The following ARID1B variants were observed in gnomAD, a reference collection of about 807,000 sequenced individuals.
The protein encoded by ARID1B is AT-rich interaction domain 1B.
In ARID1B, 30 loss-of-function variants were observed where a neutral mutation model predicts 212.3. The observed-to-expected ratio is 0.14, with a 90% CI of 0.11 to 0.19. The LOEUF (loss-of-function observed/expected upper bound fraction) is 0.19. ARID1B is among the 10% of genes least tolerant of loss of function. The pLI, the probability that ARID1B is intolerant of heterozygous loss-of-function variation, is 1.00. For missense variants in ARID1B, 2,891 were observed against 3,204.0 expected (o/e 0.90, Z 2.36); for synonymous variants, 1,402 against 1,301.7 (o/e 1.08, Z -1.66).
intron 4 of ARID1B, among the ~76,000 whole-genome samples, chr6:156,960,576 A>G (rs1405703547): frequency 2.6e-5 from 4 of 152,172 alleles, no homozygotes; most frequent in African/African-American, 9.7e-5. Context: ...TTGGGTATAC[A>G]TTCCTTTGAG....
chr6:156,829,571 AT>A lies in ARID1B; in HGVS notation c.1986+160del, dbSNP rs370597358. 3.4e-3 allele frequency: 3,057 copies of A among 901,962 alleles called. 27 individuals are homozygous for A. The highest frequency in any genetic ancestry group is 0.03 in the African/African-American group (1,753 of 58,428). 55.9% of individuals were successfully genotyped at this position (901,962 alleles called of 1,614,324 possible). A position where few individuals can be genotyped will look rare whatever the true frequency, so the allele number is the denominator to read the frequency against. ...TATTGTTTCTTTAATCACAGGTATA[AT>A]TTTTTTTTTCTTTTAAAGATGGAAA... On this transcript the variant is annotated intron_variant, in intron 2 of 19. Transcript: ENST00000636930.
At chr6:157,058,371 T>A (rs1308526218) in intron 4 of ARID1B, among the ~76,000 whole-genome samples, 1 of 151,888 alleles carries the variant, frequency 6.6e-6, no homozygotes, top group Non-Finnish European at 1.5e-5. Context: ...TTCAAGCGAT[T>A]CTCCTGCCTC....
chr6:157,097,359 C>T (rs905785296), intron 5 of ARID1B, among the ~76,000 whole-genome samples: 2 of 152,184 alleles, frequency 1.3e-5, no homozygotes, highest in African/African-American at 4.8e-5. Flanking sequence ...AATTCCCAAA[C>T]CCTGTATTTT....
chr6:156,791,613 A>G (rs1263088250), intron 1 of ARID1B, among the ~76,000 whole-genome samples: 1 of 152,230 alleles, frequency 6.6e-6, no homozygotes, highest in Non-Finnish European at 1.5e-5. Context: ...TTTGACGGCC[A>G]TTCATCCCTG....
chr6:156,975,427 C>T (rs1777159883), intron 4 of ARID1B, among the ~76,000 whole-genome samples: 1 of 152,080 alleles, frequency 6.6e-6, no homozygotes, highest in Non-Finnish European at 1.5e-5. Flanking sequence ...TTCTCACAGG[C>T]TGTGGTTTAT....
chr6:157,149,598 A>G (rs1790056292), intron 8 of ARID1B: 1 of 152,270 alleles, frequency 6.6e-6, no homozygotes, highest in Non-Finnish European at 1.5e-5. Context: ...CTCATTTTTA[A>G]TCCCGACTTA....
chr6:156,934,571 T>C (rs1354538118), intron 3 of ARID1B, among the ~76,000 whole-genome samples: 1 of 152,158 alleles, frequency 6.6e-6, no homozygotes, highest in African/African-American at 2.4e-5. Flanking sequence ...TGGAGTTCTA[T>C]ATATGCGTGT....
At position 157,201,629 on chromosome 6, in the gene ARID1B, G is replaced by A; in HGVS notation, c.5263+141G>A. ...AGTTATCAAGATGCGTTTTTATATAGGAGTAATATAGTTGGAGGCTGCTAA... is the reference window on the plus strand; with the variant it reads ...AGTTATCAAGATGCGTTTTTATATAAGAGTAATATAGTTGGAGGCTGCTAA... On this transcript the variant is annotated intron_variant, in intron 18 of 19. Coordinates refer to ENST00000636930, the MANE Select transcript of ARID1B (RefSeq NM_001374828.1). This position sits in a 1 kb window ranked among gnomAD's most constrained non-coding sequence, Gnocchi z 5.2. 9.6e-7 allele frequency: 1 copy of A among 1,037,070 alleles called. No individual in the cohort carries two copies. Among genetic ancestry groups the A allele is most frequent in the South Asian group, 2.2e-5 (1 of 44,648 alleles). 64.2% of individuals were successfully genotyped at this position (1,037,070 alleles called of 1,614,324 possible). A position where few individuals can be genotyped will look rare whatever the true frequency, so the allele number is the denominator to read the frequency against.
chr6:156,811,124 A>G lies in ARID1B; in HGVS notation c.1792-18103A>G, dbSNP rs145717246. ...CTTCAATGCCACCAGCAGAGAGAGAATCTGTAACTTCTGGGAAGGCCTGGA... is the reference window on the plus strand; with the variant it reads ...CTTCAATGCCACCAGCAGAGAGAGAGTCTGTAACTTCTGGGAAGGCCTGGA... On this transcript the variant is annotated intron_variant, in intron 1 of 19. Transcript: ENST00000636930. Among the ~76,000 whole-genome samples, 218 of 152,266 alleles carry G rather than the reference A, an allele frequency of 1.4e-3. 10 individuals are homozygous for G. The South Asian group carries it at 0.031, about 22-fold the overall frequency.
At chr6:156,831,422 C>G (rs1783130057) in intron 2 of ARID1B, among the ~76,000 whole-genome samples, 1 of 152,228 alleles carries the variant, frequency 6.6e-6, no homozygotes, top group Non-Finnish European at 1.5e-5. Context: ...AAGTCAGTTT[C>G]AAAAGATGCT....
intron 4 of ARID1B, among the ~76,000 whole-genome samples, chr6:156,991,615 T>C (rs188337901): frequency 8.5e-5 from 13 of 152,352 alleles, no homozygotes; most frequent in East Asian, 5.8e-4. Flanking sequence ...TTCATACTTA[T>C]ATCTTTCTTA....
At position 157,207,148 on chromosome 6, in the gene ARID1B, A is replaced by G. The variant is rs748232008; in HGVS notation, c.6376A>G (p.Lys2126Glu). 2 of 1,614,226 alleles carry G rather than the reference A, an allele frequency of 1.2e-6. No homozygotes were observed. The highest frequency in any genetic ancestry group is 1.3e-5 in the African/African-American group (1 of 75,060). The stretch of plus-strand genomic sequence containing the variant: ...CTATGAGAAAGAGGAGGATGAGGAC[A>G]AGGGGGTGGCCTGCAGCAAAGATGA... ...QTYEKEEDED[K>E]GVACSKDEWW... The change falls in exon 20 of 20, where the codon AAG becomes GAG. Residue 2126 changes from lysine (K) to glutamate (E), a missense_variant. Physicochemically the swap from Lys to Glu is moderately conservative, Grantham distance 56. This residue lies in a region of ARID1B where 41 missense variants were observed against 40.4 expected (regional missense o/e 1.01). Transcript: ENST00000636930. The surrounding 1 kb of genome is among the most constrained non-coding windows in gnomAD (Gnocchi z 8.5).
intron 5 of ARID1B, among the ~76,000 whole-genome samples, chr6:157,099,317 A>G (rs933436290): frequency 2.6e-5 from 4 of 152,108 alleles, no homozygotes; most frequent in Non-Finnish European, 5.9e-5. Flanking sequence ...GTGCATCACC[A>G]TGTATCCTCT....
At position 157,201,944 on chromosome 6, in the gene ARID1B, A is replaced by AC. The variant is rs1444374667; in HGVS notation, c.5263+463dup. Among the ~76,000 whole-genome samples, 4 of 152,152 alleles carry AC rather than the reference A, an allele frequency of 2.6e-5. No homozygotes were observed. The highest frequency in any genetic ancestry group is 6.5e-5 in the Admixed American group (1 of 15,282). ...AATCACTACAATACGTGCCTAACAG[A>AC]CCCCCCCATGAGGCTAATGAAATGC... On this transcript the variant is annotated intron_variant, in intron 18 of 19. Coordinates refer to ENST00000636930, the MANE Select transcript of ARID1B (RefSeq NM_001374828.1). This position sits in a 1 kb window ranked among gnomAD's most constrained non-coding sequence, Gnocchi z 5.2.
intron 2 of ARID1B, among the ~76,000 whole-genome samples, chr6:156,899,263 A>C (rs888031712): frequency 6.6e-6 from 1 of 152,154 alleles, no homozygotes; most frequent in African/African-American, 2.4e-5. Context: ...CTTAGAGTCC[A>C]TGTATTTCAA....
In ARID1B at chr6:156,778,630, A is replaced by T. The variant is rs1010126114; in HGVS notation, c.950A>T (p.Tyr317Phe). The change falls in exon 1 of 20, where the codon TAT becomes TTT. Residue 317 changes from tyrosine to phenylalanine, a missense_variant. Physicochemically the swap from Tyr to Phe is conservative, Grantham distance 22. This residue lies in a region of ARID1B where 1,643 missense variants were observed against 1,544.0 expected (regional missense o/e 1.06). Transcript: ENST00000636930. ...PAAVPEFNNYYGSAAPASGGP... is the reference protein window; with the variant it reads ...PAAVPEFNNYFGSAAPASGGP... ...GCCGTCCCGGAGTTTAATAATTACT[A>T]TGGCAGCGCTGCCCCTGCGAGCGGC... The T allele has an allele frequency of 7.2e-7, 1 of 1,379,314 alleles. No homozygotes were observed. The highest frequency in any genetic ancestry group is 9.5e-7 in the Non-Finnish European group (1 of 1,054,940). The allele number at this position is 1,379,314 out of a possible 1,614,324, so 85.4% of individuals were successfully genotyped here. A position where few individuals can be genotyped will look rare whatever the true frequency, so the allele number is the denominator to read the frequency against.
At position 156,778,370 on chromosome 6, in the gene ARID1B, G is replaced by C; in HGVS notation, c.690G>C (p.Ala230=). 1.3e-6 allele frequency: 2 copies of C among 1,532,490 alleles called. No homozygotes were observed. Among genetic ancestry groups the C allele is most frequent in the Non-Finnish European group, 1.7e-6 (2 of 1,143,786 alleles). 94.9% of individuals were successfully genotyped at this position (1,532,490 alleles called of 1,614,324 possible). A position where few individuals can be genotyped will look rare whatever the true frequency, so the allele number is the denominator to read the frequency against. ...NNSLGGAGGG[A]PQPGPDMEQP... ...GCTTGGGCGGCGCGGGCGGCGGCGCGCCTCAGCCCGGCCCCGACATGGAGC... is the reference window on the plus strand; with the variant it reads ...GCTTGGGCGGCGCGGGCGGCGGCGCCCCTCAGCCCGGCCCCGACATGGAGC... Residue 230 remains alanine (A), a synonymous_variant, in exon 1 of 20, where the codon GCG becomes GCC. Transcript: ENST00000636930.
chr6:156,965,170 C>T (rs1192176822), intron 4 of ARID1B, among the ~76,000 whole-genome samples: 1 of 152,148 alleles, frequency 6.6e-6, no homozygotes, highest in African/African-American at 2.4e-5. Flanking sequence ...TCAAGAGTTT[C>T]TTATTTTTAT....
chr6:157,152,735 C>G (rs1223250846), intron 8 of ARID1B, among the ~76,000 whole-genome samples: 1 of 152,200 alleles, frequency 6.6e-6, no homozygotes, highest in Non-Finnish European at 1.5e-5. Flanking sequence ...CTTGTTGCAG[C>G]AAACTCGTGG....
Sources: gnomAD v4.1 joint callset for allele counts (sites outside exome capture counted in the v4.1 genomes callset) on GRCh38, gnomAD v4.1.1 for gene constraint, gnomAD v4.1.1 regional missense constraint, Gnocchi (gnomAD v3.1) non-coding constraint, MANE v1.5 for transcripts, NCBI Gene and HGNC (gene_info 2026-07-23, HGNC 2026-07-21) for gene names.